FEZ2: variants seen among roughly 807,000 people sequenced by gnomAD.
The protein encoded by FEZ2 is fasciculation and elongation protein zeta 2.
A neutral mutation model predicts 40.4 loss-of-function variants in FEZ2; 51 were observed. The observed-to-expected ratio is 1.26, with a 90% confidence interval of 1.01 to 1.59. The LOEUF (loss-of-function observed/expected upper bound fraction) is 1.59. Ranked by LOEUF, FEZ2 falls within the 40% of genes most tolerant of loss-of-function variation. The probability of loss-of-function intolerance (pLI) is 0.00; values close to 1 mark genes in which losing one functional copy is unlikely to be tolerated. For missense variants in FEZ2, 640 were observed against 438.3 expected (o/e 1.46, Z -4.11); for synonymous variants, 242 against 172.0 (o/e 1.41, Z -3.18).
At chr2:36,586,870 C>G (rs2125239448) in intron 2 of FEZ2, among the ~76,000 whole-genome samples, 2 of 152,286 alleles carry the variant, frequency 1.3e-5, no homozygotes, top group South Asian at 4.1e-4. Flanking sequence ...CGCTTAAGCC[C>G]AGGAGTTGGA....
chr2:36,558,779 G>A (rs1042711221), intron 5 of FEZ2: 8 of 262,518 alleles, frequency 3.0e-5, no homozygotes, highest in Admixed American at 2.1e-4. Flanking sequence ...AAATTTCATA[G>A]GACTAAGTCT....
intron 5 of FEZ2, chr2:36,560,921 C>A: frequency 1.8e-6 from 2 of 1,125,012 alleles, no homozygotes; most frequent in South Asian, 1.4e-5. Flanking sequence ...AGTTCAAAGT[C>A]TATTAGTAAG....
chr2:36,573,011 T>G (rs549066959), intron 5 of FEZ2, among the ~76,000 whole-genome samples: 114 of 152,330 alleles, frequency 7.5e-4, no homozygotes, highest in Middle Eastern at 6.8e-3. Flanking sequence ...TCTACTACCG[T>G]TAGTCACTGA....
At chr2:36,591,086 G>T in intron 1 of FEZ2, 75 bp from the exon 2 acceptor site, 1 of 882,224 alleles carries the variant, frequency 1.1e-6, no homozygotes, top group Non-Finnish European at 1.9e-6. Context: ...TTCAGTGAAA[G>T]ATGAACAGCA....
chr2:36,592,027 G>C (rs1019200908), intron 1 of FEZ2, among the ~76,000 whole-genome samples: 1 of 152,058 alleles, frequency 6.6e-6, no homozygotes, highest in East Asian at 1.9e-4. Flanking sequence ...AATAAAACAT[G>C]ATGTTTTATG....
At position 36,583,374 on chromosome 2, in the gene FEZ2, T is replaced by A. The variant is rs368367357; in HGVS notation, c.471A>T (p.Glu157Asp). 2.9e-5 allele frequency: 46 copies of A among 1,584,756 alleles called. No individual in the cohort carries two copies. Among genetic ancestry groups the A allele is most frequent in the Non-Finnish European group, 3.8e-5 (44 of 1,153,540 alleles). The change falls in exon 3 of 8, where the codon GAA becomes GAT. Residue 157 changes from glutamate to aspartate, a missense_variant. By Grantham distance (45) the Glu-to-Asp change is conservative (BLOSUM62 2). Coordinates refer to ENST00000405912, the MANE Select transcript of FEZ2 (RefSeq NM_005102.3). ...HSIIVSCVNDEPLFTADQVIE... is the reference protein window; with the variant it reads ...HSIIVSCVNDDPLFTADQVIE... Reference sequence around the variant, plus strand: ...ATACCTGGTCTGCCGTGAAGAGGGGTTCATCATTAACACAGGAGACGATGA... The same window carrying A: ...ATACCTGGTCTGCCGTGAAGAGGGGATCATCATTAACACAGGAGACGATGA...
Position 36,583,529 on chromosome 2 carries a change from G to C in FEZ2, c.376-60C>G, listed in dbSNP as rs1037349072. 7 of 872,020 alleles carry C rather than the reference G, an allele frequency of 8.0e-6. No individual in the cohort carries two copies. The South Asian group carries it at 9.4e-5, about 12-fold the overall frequency. The allele number at this position is 872,020 out of a possible 1,614,324, so 54.0% of individuals were successfully genotyped here. A position where few individuals can be genotyped will look rare whatever the true frequency, so the allele number is the denominator to read the frequency against. On this transcript the variant is annotated intron_variant, in intron 2 of 7. Coordinates refer to ENST00000405912, the MANE Select transcript of FEZ2 (RefSeq NM_005102.3). ...CATCCTCATCAAAACAAAGTTAACA[G>C]CTCTGAGTAAAAGAGGCTGCAGAGA...
intron 1 of FEZ2, among the ~76,000 whole-genome samples, chr2:36,595,613 T>C (rs1187065688): frequency 6.6e-6 from 1 of 152,100 alleles, no homozygotes; most frequent in Non-Finnish European, 1.5e-5. Context: ...GGACCAGGGG[T>C]TGGGGACCCC....
chr2:36,591,047 A>C (rs764242788), intron 1 of FEZ2, 36 bp from the exon 2 acceptor site: 1 of 1,260,512 alleles, frequency 7.9e-7, no homozygotes, highest in South Asian at 1.2e-5. Flanking sequence ...ATGAAAATTA[A>C]CATTCTGTAT....
At chr2:36,591,190 A>G in intron 1 of FEZ2, 179 bp from the exon 2 acceptor site, 1 of 592,012 alleles carries the variant, frequency 1.7e-6, no homozygotes, top group Middle Eastern at 4.4e-4. Flanking sequence ...GAGGTGAAAA[A>G]TCACATAACT....
intron 1 of FEZ2, among the ~76,000 whole-genome samples, chr2:36,591,774 C>A (rs548072526): frequency 6.6e-6 from 1 of 152,196 alleles, no homozygotes; most frequent in Non-Finnish European, 1.5e-5. Flanking sequence ...AACAAACTCT[C>A]ATCTCCATCC....
rs201026855 is a variant in FEZ2, at chr2:36,588,778, G to GT, written c.375+2124dup. Among the ~76,000 whole-genome samples the GT allele has an allele frequency of 7.2e-3, 1,070 of 149,218 alleles. 5 individuals carry two copies. The highest frequency in any genetic ancestry group is 0.024 in the Middle Eastern group (7 of 288). ...TGTTGTGTTGTTATTTTATTGTGGG[G>GT]TTTTTTTTTCAAGTTTTTTAATCCA... On this transcript the variant is annotated intron_variant, in intron 2 of 7. Transcript: ENST00000405912.
intron 1 of FEZ2, among the ~76,000 whole-genome samples, chr2:36,592,041 A>T (rs1458734772): frequency 6.6e-6 from 1 of 152,194 alleles, no homozygotes; most frequent in Non-Finnish European, 1.5e-5. Context: ...TTTTATGAAA[A>T]ACTAAAGTTC....
At chr2:36,590,625 C>A (rs1219724124) in intron 2 of FEZ2, 3 of 316,952 alleles carry the variant, frequency 9.5e-6, no homozygotes, top group Non-Finnish European at 1.7e-5. Flanking sequence ...CCACTGTACT[C>A]CAGCCTGGGC....
In FEZ2 at chr2:36,598,075, T is replaced by C. The variant is rs1485136181; in HGVS notation, c.68A>G (p.Gln23Arg). Residue 23 changes from glutamine (Q) to arginine (R), a missense_variant, in exon 1 of 8, where the codon CAG becomes CGG. Physicochemically the swap from Gln to Arg is conservative, Grantham distance 43 (BLOSUM62 1). Coordinates refer to ENST00000405912, the MANE Select transcript of FEZ2 (RefSeq NM_005102.3). ...CTCGGGGCTCGCGTTACAGTTCTCC[T>C]GGTCCAGGAGGCTCCGGGCCGGCTC... ...FQEPARSLLD[Q>R]ENCNASPEPG... The C allele has an allele frequency of 4.1e-6, 6 of 1,472,708 alleles. No homozygotes were observed. The highest frequency in any genetic ancestry group is 5.3e-6 in the Non-Finnish European group (6 of 1,123,386). The allele number at this position is 1,472,708 out of a possible 1,614,324, so 91.2% of individuals were successfully genotyped here. A position where few individuals can be genotyped will look rare whatever the true frequency, so the allele number is the denominator to read the frequency against.
At chr2:36,581,034 C>G (rs780928249) in intron 4 of FEZ2, among the ~76,000 whole-genome samples, 3 of 152,154 alleles carry the variant, frequency 2.0e-5, no homozygotes, top group Non-Finnish European at 2.9e-5. Flanking sequence ...CACCTGTAAT[C>G]CTAGCTACTT....
chr2:36,563,448 G>T (rs1573003818), intron 5 of FEZ2, among the ~76,000 whole-genome samples: 1 of 150,604 alleles, frequency 6.6e-6, no homozygotes, highest in East Asian at 2.0e-4. Flanking sequence ...TGTGCAGCAT[G>T]TACAGTTCAA....
chr2:36,581,187 A>G, intron 4 of FEZ2, 103 bp downstream of exon 4: 1 of 1,108,024 alleles, frequency 9.0e-7, no homozygotes, highest in Admixed American at 2.3e-5. Context: ...ACACAAACAC[A>G]AACAGAAGGA....
intron 4 of FEZ2, among the ~76,000 whole-genome samples, chr2:36,579,701 C>G (rs1428920993): frequency 6.6e-6 from 1 of 152,140 alleles, no homozygotes; most frequent in Non-Finnish European, 1.5e-5. Flanking sequence ...AATTAAACCT[C>G]TTTTCGTATA....
Sources: gnomAD v4.1 joint callset for allele counts (sites outside exome capture counted in the v4.1 genomes callset) on GRCh38, gnomAD v4.1.1 for gene constraint, MANE v1.5 for transcripts, NCBI Gene and HGNC (gene_info 2026-07-23, HGNC 2026-07-21) for gene names.